LCLAT1: variants seen among roughly 807,000 people sequenced by gnomAD.
LCLAT1 encodes the protein 1-AGP acyltransferase 8.
LCLAT1 carries 11 observed loss-of-function variants against 30.7 expected under a neutral mutation model. That is an observed-to-expected ratio of 0.36 (90% CI 0.23 to 0.59). The LOEUF (loss-of-function observed/expected upper bound fraction) is 0.59, where lower values mean the gene tolerates loss of function less well. Ranked by LOEUF, LCLAT1 falls within the 20% of genes least tolerant of loss-of-function variation. The pLI, the probability that LCLAT1 is intolerant of heterozygous loss-of-function variation, is 0.77. For missense variants in LCLAT1, 402 were observed against 458.6 expected, an observed-to-expected ratio of 0.88 and a Z score of 1.13; for synonymous variants, 155 against 151.3, an observed-to-expected ratio of 1.02 and a Z score of -0.18.
chr2:30,513,069 A>G (rs564885914), intron 1 of LCLAT1, among the ~76,000 whole-genome samples: 7 of 152,262 alleles, frequency 4.6e-5, no homozygotes, highest in South Asian at 2.1e-4. Context: ...ATTTGTATCT[A>G]TAGCCCTGCT....
intron 3 of LCLAT1, among the ~76,000 whole-genome samples, chr2:30,550,838 A>G (rs1664645355): frequency 6.6e-6 from 1 of 152,144 alleles, no homozygotes; most frequent in Admixed American, 6.5e-5. Context: ...TCTGTGGAAA[A>G]TATTTGCCCC....
At chr2:30,560,489 C>A (rs1665160511) in intron 3 of LCLAT1, among the ~76,000 whole-genome samples, 1 of 152,064 alleles carries the variant, frequency 6.6e-6, no homozygotes, top group Non-Finnish European at 1.5e-5. Flanking sequence ...CAGGCAGCTG[C>A]CATCATGCCT....
chr2:30,581,433 T>C (rs78552498), intron 5 of LCLAT1, among the ~76,000 whole-genome samples: 13,294 of 152,234 alleles, frequency 0.087, 1,072 homozygotes, highest in African/African-American at 0.22. Context: ...GAAATTAGTA[T>C]GTTGAAGAGA....
intron 1 of LCLAT1, among the ~76,000 whole-genome samples, chr2:30,496,812 A>G (rs1229208067): frequency 1.3e-5 from 2 of 152,214 alleles, no homozygotes; most frequent in African/African-American, 4.8e-5. Context: ...GCGGGATACC[A>G]TATACACTGT....
chr2:30,534,075 C>T (rs188728816), intron 3 of LCLAT1, among the ~76,000 whole-genome samples: 208 of 152,254 alleles, frequency 1.4e-3, no homozygotes, highest in Non-Finnish European at 2.5e-3. Context: ...ACCTAGGTAA[C>T]ATTTCTCACT....
At chr2:30,568,734 C>T (rs145485392) in intron 5 of LCLAT1, among the ~76,000 whole-genome samples, 48 of 151,074 alleles carry the variant, frequency 3.2e-4, no homozygotes, top group African/African-American at 1.1e-3. Context: ...GTCTCGATTT[C>T]CTGACCTCGT....
At chr2:30,554,435 A>C (rs2148428524) in intron 3 of LCLAT1, among the ~76,000 whole-genome samples, 1 of 152,346 alleles carries the variant, frequency 6.6e-6, no homozygotes, top group East Asian at 1.9e-4. Flanking sequence ...GTATCTATGC[A>C]GAGAGGTTGT....
intron 1 of LCLAT1, among the ~76,000 whole-genome samples, chr2:30,521,989 A>C (rs149479018): frequency 1.8e-4 from 27 of 152,346 alleles, no homozygotes; most frequent in Admixed American, 1.7e-3. Context: ...TTCATTCAGC[A>C]TAATACATTT....
At chr2:30,494,602 G>A (rs1014940906) in intron 1 of LCLAT1, among the ~76,000 whole-genome samples, 15 of 151,450 alleles carry the variant, frequency 9.9e-5, no homozygotes, top group South Asian at 2.1e-4. Flanking sequence ...ATGCATGCAC[G>A]TATGTGTGTA....
chr2:30,474,424 AT>A (rs1199607865), intron 1 of LCLAT1, among the ~76,000 whole-genome samples: 3 of 152,170 alleles, frequency 2.0e-5, no homozygotes, highest in African/African-American at 7.2e-5. Flanking sequence ...GGGTTAAAAG[AT>A]GTTTTTTAAA....
chr2:30,473,431 T>A (rs1682895465), intron 1 of LCLAT1, among the ~76,000 whole-genome samples: 1 of 152,186 alleles, frequency 6.6e-6, no homozygotes, highest in African/African-American at 2.4e-5. Flanking sequence ...CACCTGATTC[T>A]CCTGATTTGG....
intron 1 of LCLAT1, among the ~76,000 whole-genome samples, chr2:30,473,748 A>G (rs1682913350): frequency 6.6e-6 from 1 of 152,212 alleles, no homozygotes; most frequent in South Asian, 2.1e-4. Context: ...TGAGTGGGCA[A>G]CAGGTTGTGG....
In LCLAT1 at chr2:30,565,539, G is replaced by A. The variant is rs553448608; in HGVS notation, c.512-2521G>A. Among the ~76,000 whole-genome samples the A allele has an allele frequency of 6.6e-5, 10 of 152,216 alleles. 1 individual carries two copies. The South Asian group carries it at 2.1e-3, about 32-fold the overall frequency. On this transcript the variant is annotated intron_variant, in intron 4 of 5. Coordinates refer to ENST00000379509, the MANE Select transcript of LCLAT1 (RefSeq NM_001002257.3). ...CATATAAAATTAGCCATCACAATTA[G>A]TATGTGATAATTTTGAGTTCCATTT... is the stretch of plus-strand genomic sequence containing the variant.
At chr2:30,481,603 G>T (rs1274245066) in intron 1 of LCLAT1, among the ~76,000 whole-genome samples, 1 of 152,158 alleles carries the variant, frequency 6.6e-6, no homozygotes, top group East Asian at 1.9e-4. Flanking sequence ...TGCCAAGAGG[G>T]TAGAGTAAAA....
intron 5 of LCLAT1, among the ~76,000 whole-genome samples, chr2:30,621,995 T>A (rs943585137): frequency 1.3e-5 from 2 of 152,164 alleles, no homozygotes; most frequent in East Asian, 3.9e-4. Flanking sequence ...CCCTGCTTGC[T>A]TTCTCAGTGA....
At chr2:30,475,652 C>G (rs1210599797) in intron 1 of LCLAT1, among the ~76,000 whole-genome samples, 1 of 152,162 alleles carries the variant, frequency 6.6e-6, no homozygotes, top group Non-Finnish European at 1.5e-5. Context: ...TTATACAACT[C>G]AGCCCAGTAT....
chr2:30,503,173 G>A (rs931332268), intron 1 of LCLAT1, among the ~76,000 whole-genome samples: 1 of 152,186 alleles, frequency 6.6e-6, no homozygotes, highest in African/African-American at 2.4e-5. Flanking sequence ...GGCGCTGGTG[G>A]GAGTGTCTTA....
chr2:30,500,432 A>G (rs907407447), intron 1 of LCLAT1, among the ~76,000 whole-genome samples: 2 of 152,176 alleles, frequency 1.3e-5, no homozygotes, highest in Admixed American at 1.3e-4. Flanking sequence ...AAATTACACA[A>G]TATAGTTTTA....
At position 30,447,332 on chromosome 2, in the gene LCLAT1, G is replaced by T. The variant is rs1315869578; in HGVS notation, c.-56G>T. ...AGGTTGTGACCCCTACGGAGCCCCA[G>T]CTTGCCCACGCACCCCACTCGGCGT... On this transcript the variant is annotated 5_prime_UTR_variant, in exon 1 of 6. Coordinates refer to ENST00000379509, the MANE Select transcript of LCLAT1 (RefSeq NM_001002257.3). 1 of 152,148 alleles carries T rather than the reference G, an allele frequency of 6.6e-6. No homozygotes were observed. Among genetic ancestry groups the T allele is most frequent in the Non-Finnish European group, 1.5e-5 (1 of 68,106 alleles). 9.4% of individuals were successfully genotyped at this position (152,148 alleles called of 1,614,324 possible). A position where few individuals can be genotyped will look rare whatever the true frequency, so the allele number is the denominator to read the frequency against.
Sources: allele counts gnomAD v4.1 joint callset (sites outside exome capture counted in the v4.1 genomes callset), GRCh38; gene constraint gnomAD v4.1.1; transcripts MANE v1.5; gene names NCBI Gene and HGNC (gene_info 2026-07-23, HGNC 2026-07-21).